Variants in ITGAM observed in about 807,000 individuals in gnomAD.
ITGAM encodes integrin alpha-M.
A neutral mutation model predicts 137.5 loss-of-function variants in ITGAM; 79 were observed. That is an observed-to-expected ratio of 0.57 (90% confidence interval 0.48 to 0.69). The LOEUF (loss-of-function observed/expected upper bound fraction) is 0.69. Among genes scored for constraint, ITGAM ranks in the 30% least tolerant of loss-of-function variants. The probability of loss-of-function intolerance (pLI) is 0.00; values close to 1 mark genes in which losing one functional copy is unlikely to be tolerated. For synonymous variants in ITGAM, 583 were observed against 592.3 expected, an observed-to-expected ratio of 0.98 and a Z score of 0.23; for missense variants, 1,343 against 1,483.5, an observed-to-expected ratio of 0.91 and a Z score of 1.56.
intron 14 of ITGAM, among the ~76,000 whole-genome samples, chr16:31,320,327 T>C (rs2080436068): frequency 6.6e-6 from 1 of 152,234 alleles, no homozygotes; most frequent in Non-Finnish European, 1.5e-5. Flanking sequence ...ATTTTAGCTA[T>C]AGTTATTTTT....
At chr16:31,289,748 A>C (rs2080067057) in intron 12 of ITGAM, among the ~76,000 whole-genome samples, 1 of 152,208 alleles carries the variant, frequency 6.6e-6, no homozygotes, top group East Asian at 1.9e-4. Context: ...TAGAACTTAA[A>C]GTATAATAAA....
intron 12 of ITGAM, among the ~76,000 whole-genome samples, chr16:31,294,365 G>T (rs920978160): frequency 6.6e-6 from 1 of 152,042 alleles, no homozygotes; most frequent in Non-Finnish European, 1.5e-5. Flanking sequence ...TGTTGGCTGT[G>T]GGTTTGTTGT....
At chr16:31,288,935 G>C in intron 12 of ITGAM, among the ~76,000 whole-genome samples, 1 of 152,162 alleles carries the variant, frequency 6.6e-6, no homozygotes, top group African/African-American at 2.4e-5. Flanking sequence ...CCATCAACAA[G>C]TGGGTGAAGG....
intron 14 of ITGAM, among the ~76,000 whole-genome samples, chr16:31,298,185 T>G (rs2080157639): frequency 8.1e-6 from 1 of 123,230 alleles, no homozygotes; most frequent in Non-Finnish European, 1.6e-5. Flanking sequence ...CAGGGCAACA[T>G]GGTGAGAACC....
intron 25 of ITGAM, 43 bp from the exon 26 acceptor site, chr16:31,330,038 G>A (rs1322074338): frequency 6.3e-6 from 10 of 1,589,780 alleles, no homozygotes; most frequent in Non-Finnish European, 6.9e-6. Context: ...TGAGGCCCTG[G>A]CGCCTTCATC....
intron 29 of ITGAM, 82 bp from the exon 30 acceptor site, chr16:31,331,554 C>A: frequency 1.7e-6 from 1 of 572,910 alleles, no homozygotes; most frequent in South Asian, 1.7e-5. Flanking sequence ...TCTCTGCCGG[C>A]CCTCCCGCCC....
chr16:31,289,913 C>T (rs567821320), intron 12 of ITGAM, among the ~76,000 whole-genome samples: 73 of 151,860 alleles, frequency 4.8e-4, no homozygotes, highest in African/African-American at 1.7e-3. Context: ...GAAACCCTGT[C>T]GTTACTAAAA....
At position 31,331,200 on chromosome 16, in the gene ITGAM, C is replaced by G. The variant is rs377004368; in HGVS notation, c.3312C>G (p.Asn1104Lys). The G allele has an allele frequency of 3.5e-5, 57 of 1,613,164 alleles. 2 individuals are homozygous for G. In the African/African-American group the frequency reaches 6.8e-4, roughly 19 times the overall value. Residue 1104 changes from asparagine to lysine, a missense_variant, in exon 29 of 30, where the codon AAC becomes AAG. By Grantham distance (94) the Asn-to-Lys change is moderately conservative (BLOSUM62 0). Transcript: ENST00000544665. ...ETKVEPFEVPNPLPLIVGSSV... is the reference protein window; with the variant it reads ...ETKVEPFEVPKPLPLIVGSSV... ...AAGTGGAGCCGTTCGAGGTCCCCAA[C>G]CCCCTGCCGCTCATCGTGGGCAGCT...
intron 8 of ITGAM, among the ~76,000 whole-genome samples, chr16:31,275,166 T>C (rs1314290784): frequency 6.6e-6 from 1 of 151,618 alleles, no homozygotes; most frequent in East Asian, 1.9e-4. Context: ...GGAGTCAGGA[T>C]CATCAGTGTA....
At chr16:31,308,523 T>C (rs1459277711) in intron 14 of ITGAM, among the ~76,000 whole-genome samples, 1 of 152,222 alleles carries the variant, frequency 6.6e-6, no homozygotes, top group Non-Finnish European at 1.5e-5. Context: ...GTATTGCATC[T>C]ATTTGATTCT....
chr16:31,330,630 C>T, intron 28 of ITGAM, 25 bp downstream of exon 28: 1 of 1,536,782 alleles, frequency 6.5e-7, no homozygotes, highest in Non-Finnish European at 8.9e-7. Flanking sequence ...CGCTGAGGAA[C>T]TATTGGAGGG....
intron 14 of ITGAM, among the ~76,000 whole-genome samples, chr16:31,313,726 TC>T (rs1309115651): frequency 2.0e-5 from 3 of 152,246 alleles, no homozygotes; most frequent in African/African-American, 7.2e-5. Flanking sequence ...TGATTTATAA[TC>T]CTTTGGGTAT....
intron 14 of ITGAM, among the ~76,000 whole-genome samples, chr16:31,315,447 T>C (rs1225563891): frequency 1.1e-5 from 1 of 91,290 alleles, no homozygotes; most frequent in Non-Finnish European, 1.9e-5. Flanking sequence ...CACTTTTTAA[T>C]TTTTTTATTT....
In ITGAM at chr16:31,271,051, T is replaced by A; in HGVS notation, c.525T>A (p.Thr175=). 1 of 1,580,104 alleles carries A rather than the reference T, an allele frequency of 6.3e-7. No individual in the cohort carries two copies. Residue 175 remains threonine (T), a synonymous_variant, in exon 6 of 30, where the codon ACT becomes ACA. Transcript: ENST00000544665. ...DFRRMKEFVS[T]VMEQLKKSKT... is the part of the protein sequence containing the mutation. ...GGCGGATGAAGGAGTTTGTCTCAAC[T>A]GTGATGGAGCAATTAAAAAAGTCCA...
At chr16:31,330,905 A>G (rs2144511021) in intron 28 of ITGAM, among the ~76,000 whole-genome samples, 1 of 144,124 alleles carries the variant, frequency 6.9e-6, no homozygotes, top group South Asian at 2.3e-4. Flanking sequence ...AGAGAGAGAT[A>G]CAGAGCGCGA....
At chr16:31,330,855 A>G (rs2144510791) in intron 28 of ITGAM, among the ~76,000 whole-genome samples, 1 of 126,676 alleles carries the variant, frequency 7.9e-6, no homozygotes, top group Non-Finnish European at 1.7e-5. Context: ...ATAGAGACAG[A>G]GACAGTGAGA....
intron 9 of ITGAM, among the ~76,000 whole-genome samples, chr16:31,276,409 G>A (rs2079906551): frequency 6.6e-6 from 1 of 152,018 alleles, no homozygotes; most frequent in Admixed American, 6.6e-5. Context: ...TTGGCTCACT[G>A]CAACCTCTGC....
intron 8 of ITGAM, among the ~76,000 whole-genome samples, chr16:31,274,610 A>ATTTATTTATTTATTTATTTATTTATT (rs58443776): frequency 1.3e-5 from 2 of 148,924 alleles, no homozygotes; most frequent in African/African-American, 5.1e-5. Flanking sequence ...TTATTTATTT[A>ATTTATTTATTTATTTATTTATTTATT]TATTTATTTA....
intron 29 of ITGAM, 39 bp downstream of exon 29, chr16:31,331,314 C>T (rs2080579892): frequency 8.9e-7 from 1 of 1,129,724 alleles, no homozygotes; most frequent in Non-Finnish European, 1.3e-6. Flanking sequence ...CCTTCATCCT[C>T]TCGGGCCTCG....
Sources: allele counts gnomAD v4.1 joint callset (sites outside exome capture counted in the v4.1 genomes callset), GRCh38; gene constraint gnomAD v4.1.1; transcripts MANE v1.5; gene names NCBI Gene and HGNC (gene_info 2026-07-23, HGNC 2026-07-21).